Variants in SLC22A16 observed in about 807,000 individuals in gnomAD.
The protein encoded by SLC22A16 is WUGSC:RG331P03.1.
SLC22A16 carries 53 observed loss-of-function variants against 52.9 expected under a neutral mutation model. The ratio of observed to expected loss-of-function variants is 1.00; its 90% confidence interval spans 0.80 to 1.26. SLC22A16 has a LOEUF of 1.26. Among genes scored for constraint, SLC22A16 ranks in the 50% most tolerant of loss-of-function variants. The pLI is 0.00. For synonymous variants in SLC22A16, 291 were observed against 268.8 expected (o/e 1.08, Z -0.81); for missense variants, 726 against 704.0 (o/e 1.03, Z -0.35).
chr6:110,434,428 T>A (rs1774633467), intron 6 of SLC22A16, among the ~76,000 whole-genome samples: 1 of 152,130 alleles, frequency 6.6e-6, no homozygotes. Flanking sequence ...GAAGTTCTGC[T>A]GCAGCCCCCT....
rs138745115 is a variant in SLC22A16, at chr6:110,446,952, C to T, written c.572G>A (p.Ser191Asn). The change falls in exon 3 of 8, where the codon AGC (serine) becomes AAC (asparagine). Residue 191 changes from serine to asparagine, a missense_variant. Physicochemically the swap from Ser to Asn is conservative, Grantham distance 46 (BLOSUM62 1). Coordinates refer to ENST00000368919, the MANE Select transcript of SLC22A16 (RefSeq NM_033125.4). Reference protein sequence around the residue: ...RRVVLWATSSSMFLFGIAAAF... With the variant: ...RRVVLWATSSNMFLFGIAAAF... Reference sequence around the variant, plus strand: ...CGCTGCTATTCCAAACAAAAACATGCTACTGCTTGTGGCCCACAAGACCAC... The same window carrying T: ...CGCTGCTATTCCAAACAAAAACATGTTACTGCTTGTGGCCCACAAGACCAC... 1,949 of 1,613,904 alleles carry T rather than the reference C, an allele frequency of 1.2e-3. 19 individuals are homozygous for T. Among genetic ancestry groups the T allele is most frequent in the South Asian group, 4.0e-3 (367 of 91,066 alleles).
chr6:110,442,244 C>T lies in SLC22A16; in HGVS notation c.1183G>A (p.Gly395Ser). ...GNEYLNLFLL[G>S]VVEIPAYTFV... ...ATTTAAATATACTGTAACTACTTAC[C>T]CAGGAGGAAGAGGTTTAAGTATTCA... Residue 395 changes from glycine to serine, a missense_variant and splice_region_variant, in exon 4 of 8, where the codon GGT becomes AGT. Gly to Ser is a moderately conservative substitution (Grantham distance 56). Transcript: ENST00000368919. 6.2e-7 allele frequency: 1 copy of T among 1,612,632 alleles called. No individual in the cohort carries two copies. Among genetic ancestry groups the T allele is most frequent in the Non-Finnish European group, 8.5e-7 (1 of 1,179,212 alleles).
Position 110,438,826 on chromosome 6 carries a change from T to A in SLC22A16, c.1205A>T (p.Tyr402Phe). 6.2e-7 allele frequency: 1 copy of A among 1,614,076 alleles called. No individual in the cohort carries two copies. Among genetic ancestry groups the A allele is most frequent in the Non-Finnish European group, 8.5e-7 (1 of 1,179,978 alleles). Residue 402 changes from tyrosine to phenylalanine, a missense_variant, in exon 5 of 8, where the codon TAC (tyrosine) becomes TTC (phenylalanine). By Grantham distance (22) the Tyr-to-Phe change is conservative. Transcript: ENST00000368919. ...GTCCATGGCGATGCACACGAAGGTGTAGGCGGGAATTTCCACTACACCTGT... is the reference window on the plus strand; with the variant it reads ...GTCCATGGCGATGCACACGAAGGTGAAGGCGGGAATTTCCACTACACCTGT... Reference protein sequence around the residue: ...FLLGVVEIPAYTFVCIAMDKV... With the variant: ...FLLGVVEIPAFTFVCIAMDKV...
chr6:110,474,693 C>A (rs7747400), intron 1 of SLC22A16, among the ~76,000 whole-genome samples: 14,541 of 152,242 alleles, frequency 0.096, 2,361 homozygotes, highest in African/African-American at 0.33. Flanking sequence ...ACCATGGGTG[C>A]GCAGCTGCTC....
At position 110,425,173 on chromosome 6, in the gene SLC22A16, G is replaced by C; in HGVS notation, c.1522-88C>G. On this transcript the variant is annotated intron_variant, in intron 7 of 7. Transcript: ENST00000368919. ...TAGAATTTCCTAACTGTTTTCAGAG[G>C]GTAATGGATTTGAATTTGACATAAC... The C allele has an allele frequency of 1.9e-6, 3 of 1,560,060 alleles. No individual in the cohort carries two copies. In the South Asian group the frequency reaches 3.6e-5, roughly 19 times the overall value.
intron 7 of SLC22A16, 95 bp downstream of exon 7, chr6:110,431,076 C>T (rs964282836): frequency 1.8e-5 from 19 of 1,029,704 alleles, no homozygotes; most frequent in Non-Finnish European, 2.5e-5. Context: ...AAATGATGTA[C>T]TGGCTTTCAG....
At chr6:110,444,748 A>G (rs1329971635) in intron 3 of SLC22A16, among the ~76,000 whole-genome samples, 1 of 152,204 alleles carries the variant, frequency 6.6e-6, no homozygotes, top group East Asian at 1.9e-4. Context: ...TTGTGACAAC[A>G]GCTTTTATTT....
intron 2 of SLC22A16, among the ~76,000 whole-genome samples, chr6:110,454,867 T>C (rs572271962): frequency 1.2e-5 from 1 of 81,322 alleles, no homozygotes; most frequent in African/African-American, 5.0e-5. Context: ...TATGTTATAT[T>C]ATATATAATA....
At chr6:110,425,306 CA>C (rs1183327286) in intron 7 of SLC22A16, 1 of 1,481,752 alleles carries the variant, frequency 6.7e-7, no homozygotes, top group South Asian at 1.2e-5. Flanking sequence ...TTCATTCCTT[CA>C]TGACCCACCA....
chr6:110,444,576 T>A (rs1775095000), intron 3 of SLC22A16, among the ~76,000 whole-genome samples: 1 of 152,204 alleles, frequency 6.6e-6, no homozygotes, highest in African/African-American at 2.4e-5. Flanking sequence ...AGACTTTTTG[T>A]AAACATGTGT....
chr6:110,453,397 C>T (rs915534961), intron 2 of SLC22A16, among the ~76,000 whole-genome samples: 2 of 152,054 alleles, frequency 1.3e-5, no homozygotes, highest in Non-Finnish European at 2.9e-5. Flanking sequence ...CCTCTCAGGC[C>T]CAAGATGAGG....
intron 1 of SLC22A16, among the ~76,000 whole-genome samples, chr6:110,460,972 G>A (rs551588099): frequency 6.6e-6 from 1 of 152,352 alleles, no homozygotes; most frequent in South Asian, 2.1e-4. Flanking sequence ...GACATGGAGA[G>A]GGGACTATTT....
At chr6:110,472,079 T>C (rs77185349) in intron 1 of SLC22A16, among the ~76,000 whole-genome samples, 2,866 of 152,258 alleles carry the variant, frequency 0.019, 83 homozygotes, top group African/African-American at 0.063. Flanking sequence ...GAACTCAAGG[T>C]AAACCAATCT....
chr6:110,438,679 T>C (rs1368012796), intron 5 of SLC22A16, 41 bp downstream of exon 5: 2 of 1,581,022 alleles, frequency 1.3e-6, no homozygotes, highest in South Asian at 2.3e-5. Flanking sequence ...CATCAAACTG[T>C]CACAGTATAA....
At chr6:110,439,215 T>C (rs958160463) in intron 4 of SLC22A16, among the ~76,000 whole-genome samples, 4 of 152,142 alleles carry the variant, frequency 2.6e-5, no homozygotes, top group African/African-American at 4.8e-5. Context: ...AAGTGAAAAA[T>C]CCAAAACGGT....
intron 6 of SLC22A16, among the ~76,000 whole-genome samples, chr6:110,434,604 A>G (rs1178504926): frequency 7.6e-6 from 1 of 130,722 alleles, no homozygotes; most frequent in Non-Finnish European, 1.6e-5. Flanking sequence ...TGGGAATCAC[A>G]TCAGACATTC....
intron 2 of SLC22A16, among the ~76,000 whole-genome samples, chr6:110,455,054 T>A: frequency 7.7e-6 from 1 of 129,874 alleles, no homozygotes; most frequent in South Asian, 2.2e-4. Flanking sequence ...TATTTATATA[T>A]TATATATATA....
intron 3 of SLC22A16, 38 bp downstream of exon 3, chr6:110,446,835 A>C: frequency 1.3e-6 from 2 of 1,555,628 alleles, no homozygotes; most frequent in Non-Finnish European, 1.8e-6. Flanking sequence ...CCTATGAAAA[A>C]CTGCAGCAGA....
chr6:110,476,533 C>T lies in SLC22A16; in HGVS notation c.42G>A (p.Gly14=). The T allele has an allele frequency of 1.4e-6, 2 of 1,471,494 alleles. No individual in the cohort carries two copies. The highest frequency in any genetic ancestry group is 1.2e-5 in the South Asian group (1 of 81,022). 91.2% of individuals were successfully genotyped at this position (1,471,494 alleles called of 1,614,324 possible). ...RHFEGIYDHV[G]HFGRFQRVLY... ...CCCCTCCCCCATACCTGCCGAAGTG[C>T]CCCACGTGGTCATAAATCCCCTCGA... Residue 14 remains glycine (G), a synonymous_variant, in exon 1 of 8, where the codon GGG becomes GGA. Transcript: ENST00000368919.
Sources: gnomAD v4.1 joint callset for allele counts (sites outside exome capture counted in the v4.1 genomes callset) on GRCh38, gnomAD v4.1.1 for gene constraint, MANE v1.5 for transcripts, NCBI Gene and HGNC (gene_info 2026-07-23, HGNC 2026-07-21) for gene names.